Variants in GPHN observed in about 807,000 individuals in gnomAD.
GPHN encodes gephyrin.
Under a neutral mutation model 95.5 loss-of-function variants are expected in GPHN, and 17 were observed. That is an observed-to-expected ratio of 0.18 (90% CI 0.12 to 0.27). The LOEUF (loss-of-function observed/expected upper bound fraction) is 0.27. Among genes scored for constraint, GPHN ranks in the 10% least tolerant of loss-of-function variants. The pLI is 1.00. For missense variants in GPHN, 660 were observed against 978.1 expected, an observed-to-expected ratio of 0.67 and a Z score of 4.34; for synonymous variants, 320 against 322.5, an observed-to-expected ratio of 0.99 and a Z score of 0.08.
At chr14:66,892,894 T>C (rs2153541759) in intron 5 of GPHN, among the ~76,000 whole-genome samples, 1 of 152,294 alleles carries the variant, frequency 6.6e-6, no homozygotes, top group East Asian at 1.9e-4. Flanking sequence ...GTAAAGGTTA[T>C]GTTATGTATA....
chr14:67,355,063 C>T, the GPHN span, among the ~76,000 whole-genome samples: 7 of 152,212 alleles, frequency 4.6e-5, no homozygotes, highest in Admixed American at 3.3e-4. Context: ...CCGCCCACCT[C>T]GGCCTCACAA....
At chr14:67,301,438 C>A in the GPHN span, 1 of 1,610,442 alleles carries the variant, frequency 6.2e-7, no homozygotes, top group East Asian at 2.2e-5. Context: ...CAAGAACTAA[C>A]TGCTTTGCTG....
the GPHN span, chr14:67,349,221 G>A: frequency 1.0e-5 from 10 of 1,001,338 alleles, no homozygotes; most frequent in African/African-American, 1.6e-5. Flanking sequence ...AATTAAGTAT[G>A]TTTTGATAAC....
At chr14:67,634,967 G>A in the GPHN span, among the ~76,000 whole-genome samples, 4 of 152,186 alleles carry the variant, frequency 2.6e-5, no homozygotes, top group South Asian at 2.1e-4. Context: ...TCTTTGGCTG[G>A]GCGCACGGTG....
chr14:67,538,725 C>T, the GPHN span, among the ~76,000 whole-genome samples: 1 of 152,306 alleles, frequency 6.6e-6, no homozygotes, highest in South Asian at 2.1e-4. Context: ...CGAGTCCCAA[C>T]CTCCTCAGCA....
At chr14:67,495,801 A>G in the GPHN span, among the ~76,000 whole-genome samples, 472 of 152,172 alleles carry the variant, frequency 3.1e-3, 2 homozygotes, top group Middle Eastern at 0.048. Flanking sequence ...TGGATTTTAT[A>G]TTTTATTTCC....
rs555222157 is a variant in GPHN, at chr14:67,171,528, C to T, written c.2079+2492C>T. On this transcript the variant is annotated intron_variant, in intron 21 of 22. Transcript: ENST00000478722. ...TACCACCCTTGTTCTCAGCTTTTTT[C>T]GCTAGAAACATACCTGGAGTAACTC... Among the ~76,000 whole-genome samples the T allele has an allele frequency of 3.5e-3, 538 of 152,138 alleles. 4 individuals carry two copies. Among genetic ancestry groups the T allele is most frequent in the African/African-American group, 8.5e-3 (354 of 41,506 alleles).
At chr14:67,668,511 G>T in the GPHN span, among the ~76,000 whole-genome samples, 1 of 152,188 alleles carries the variant, frequency 6.6e-6, no homozygotes, top group Admixed American at 6.5e-5. Context: ...CATTTTTAAA[G>T]TAATGAAAAT....
intron 17 of GPHN, among the ~76,000 whole-genome samples, chr14:67,129,791 A>G (rs1023110408): frequency 7.0e-6 from 1 of 141,974 alleles, no homozygotes; most frequent in Non-Finnish European, 1.5e-5. Context: ...AGAAAGAGAG[A>G]GAGAGGGAGA....
At chr14:66,667,116 A>G (rs1157970279) in intron 1 of GPHN, among the ~76,000 whole-genome samples, 2 of 152,204 alleles carry the variant, frequency 1.3e-5, no homozygotes, top group Non-Finnish European at 2.9e-5. Flanking sequence ...ACTATAAATC[A>G]CTGCTCAAAC....
intron 8 of GPHN, among the ~76,000 whole-genome samples, chr14:66,948,816 G>T (rs1200039430): frequency 6.6e-6 from 1 of 152,160 alleles, no homozygotes; most frequent in Non-Finnish European, 1.5e-5. Flanking sequence ...GAGGTTGTTT[G>T]TTTGTTTAGA....
chr14:66,778,927 A>G (rs1282931003), intron 3 of GPHN, among the ~76,000 whole-genome samples: 1 of 151,480 alleles, frequency 6.6e-6, no homozygotes, highest in Non-Finnish European at 1.5e-5. Context: ...TTATTTTAGT[A>G]GAGATAAATT....
chr14:67,702,142 T>TA, the GPHN span, among the ~76,000 whole-genome samples: 1 of 151,990 alleles, frequency 6.6e-6, no homozygotes, highest in Middle Eastern at 3.4e-3. Context: ...TATATATATA[T>TA]TTTTTAAATG....
At chr14:66,766,109 G>C (rs909431962) in intron 2 of GPHN, among the ~76,000 whole-genome samples, 1 of 152,162 alleles carries the variant, frequency 6.6e-6, no homozygotes, top group African/African-American at 2.4e-5. Context: ...TTTTCCCTGA[G>C]AGCATTTTTC....
chr14:66,970,085 G>GTTTTT (rs76967963), intron 9 of GPHN, among the ~76,000 whole-genome samples: 20 of 99,020 alleles, frequency 2.0e-4, no homozygotes, highest in Non-Finnish European at 3.7e-4. Flanking sequence ...AGCAAGTTGT[G>GTTTTT]TTTTTTTTTT....
chr14:67,115,530 C>T (rs1199079897), intron 16 of GPHN, among the ~76,000 whole-genome samples: 1 of 151,788 alleles, frequency 6.6e-6, no homozygotes, highest in Non-Finnish European at 1.5e-5. Context: ...GTCAGGAGTT[C>T]GAGACCAGAC....
the GPHN span, chr14:67,573,321 G>A: frequency 6.0e-5 from 97 of 1,613,854 alleles, 1 homozygote; most frequent in South Asian, 8.5e-4. The surrounding 1 kb of genome is among the most constrained non-coding windows in gnomAD (Gnocchi z 4.8). Flanking sequence ...GGGGAGCCAG[G>A]TGAAGACGTG....
chr14:66,854,744 A>G (rs2062727525), intron 4 of GPHN, among the ~76,000 whole-genome samples: 1 of 152,076 alleles, frequency 6.6e-6, no homozygotes. Flanking sequence ...ATATCATACA[A>G]TTCATTCATT....
the GPHN span, chr14:67,684,587 CT>C: frequency 2.8e-3 from 403 of 142,130 alleles, 1 homozygote; most frequent in Middle Eastern, 3.7e-3. Flanking sequence ...GATTCAAATT[CT>C]TTTTTTTTTT....
Sources: gnomAD v4.1 joint callset for allele counts (sites outside exome capture counted in the v4.1 genomes callset) on GRCh38, gnomAD v4.1.1 for gene constraint, Gnocchi (gnomAD v3.1) non-coding constraint, MANE v1.5 for transcripts, NCBI Gene and HGNC (gene_info 2026-07-23, HGNC 2026-07-21) for gene names.